ARHGAP4: variants seen among roughly 807,000 people sequenced by gnomAD.
The protein encoded by ARHGAP4 is rho GTPase-activating protein 4.
In ARHGAP4, 25 loss-of-function variants were observed where a neutral mutation model predicts 67.6. That is an observed-to-expected ratio of 0.37 (90% CI 0.27 to 0.52). The LOEUF is 0.52. ARHGAP4 is among the 20% of genes least tolerant of loss of function. The pLI, the probability that ARHGAP4 is intolerant of heterozygous loss-of-function variation, is 0.92. For missense variants in ARHGAP4, 804 were observed against 854.6 expected (o/e 0.94, Z 0.74); for synonymous variants, 448 against 373.7 (o/e 1.20, Z -2.29).
intron 1 of ARHGAP4, chrX:153,922,355 A>G: frequency 1.3e-6 from 1 of 757,874 alleles, no homozygotes; most frequent in Non-Finnish European, 1.6e-6. Flanking sequence ...AGGACAGTCC[A>G]CAGTGAGGGC....
Position 153,922,480 on chromosome X carries a change from T to C in ARHGAP4, c.68-671A>G, listed in dbSNP as rs1393469429. On this transcript the variant is annotated intron_variant, in intron 1 of 21. Transcript: ENST00000350060. Reference sequence around the variant, plus strand: ...AATCACCCCCCGCCCCACCTGTGCATTCCCCCACCCTGCAGAGAGAGTCAC... The same window carrying C: ...AATCACCCCCCGCCCCACCTGTGCACTCCCCCACCCTGCAGAGAGAGTCAC... The C allele has an allele frequency of 1.3e-5, 9 of 677,382 alleles. No homozygotes were observed. In the Admixed American group the frequency reaches 4.5e-4, roughly 34 times the overall value. 55.8% of individuals were successfully genotyped at this position (677,382 alleles called of 1,213,427 possible).
At chrX:153,923,427 G>A (rs1244768265) in intron 1 of ARHGAP4, among the ~76,000 whole-genome samples, 1 of 111,673 alleles carries the variant, frequency 9.0e-6, no homozygotes, top group Non-Finnish European at 1.9e-5. Flanking sequence ...CAGCCCCCTT[G>A]ACTCCAGGTG....
Position 153,909,109 on chromosome X carries a change from C to T in ARHGAP4, c.2568G>A (p.Leu856=), listed in dbSNP as rs1241101345. 1.7e-6 allele frequency: 2 copies of T among 1,210,316 alleles called. No individual in the cohort carries two copies. The highest frequency in any genetic ancestry group is 1.8e-5 in the South Asian group (1 of 56,860). Residue 856 remains leucine, a synonymous_variant, in exon 21 of 22, where the codon TTG becomes TTA. Transcript: ENST00000350060. ...MGPSGHRRRC[L]VPASPEQHVE... The stretch of plus-strand genomic sequence containing the variant: ...CGTGTTGCTCTGGGGAGGCTGGGAC[C>T]AAGCAGCGTCGTCTGTGTCCAGAGG...
At chrX:153,922,317 G>A (rs2065101250) in intron 1 of ARHGAP4, 27 of 761,100 alleles carry the variant, frequency 3.5e-5, no homozygotes, top group Non-Finnish European at 4.2e-5. Flanking sequence ...CAGTGGCTGG[G>A]GAAGCCTGCC....
chrX:153,911,117 G>A lies in ARHGAP4; in HGVS notation c.1603+12C>T, dbSNP rs2148519611. 2.6e-6 allele frequency: 3 copies of A among 1,166,992 alleles called. No homozygotes were observed. Among genetic ancestry groups the A allele is most frequent in the Non-Finnish European group, 3.4e-6 (3 of 873,143 alleles). ...GGTGCCAGGACATCGGGAGGGGCTG[G>A]GTCCTGCTTACCATTGAGGTTGATG... On this transcript the variant is annotated intron_variant, in intron 13 of 21. Coordinates refer to ENST00000350060, the MANE Select transcript of ARHGAP4 (RefSeq NM_001666.5).
At chrX:153,922,078 G>A in intron 1 of ARHGAP4, 1 of 985,502 alleles carries the variant, frequency 1.0e-6, no homozygotes, top group African/African-American at 2.0e-5. Flanking sequence ...GAAGGGGAAG[G>A]GTGTCCCAGA....
At position 153,909,555 on chromosome X, in the gene ARHGAP4, C is replaced by T; in HGVS notation, c.2415-20G>A. ...TCCGTCCTGCGGTGGGAAGGACCGG[C>T]CTGTTTCGAGTGCTCCTTCCCTGCA... On this transcript the variant is annotated intron_variant, in intron 19 of 21. Coordinates refer to ENST00000350060, the MANE Select transcript of ARHGAP4 (RefSeq NM_001666.5). 1.7e-6 allele frequency: 2 copies of T among 1,181,236 alleles called. No homozygotes were observed. The highest frequency in any genetic ancestry group is 2.3e-6 in the Non-Finnish European group (2 of 881,139).
chrX:153,918,417 G>A (rs782725264), intron 7 of ARHGAP4, among the ~76,000 whole-genome samples: 17 of 112,247 alleles, frequency 1.5e-4, no homozygotes, highest in Non-Finnish European at 2.8e-4. Context: ...GTTCCAAGTC[G>A]GCCCGAAAGG....
At chrX:153,922,452 C>A (rs2065102126) in intron 1 of ARHGAP4, 1 of 744,698 alleles carries the variant, frequency 1.3e-6, no homozygotes, top group Non-Finnish European at 1.6e-6. Flanking sequence ...ACTTCCCACT[C>A]CCAATCACCC....
chrX:153,920,494 T>C, intron 5 of ARHGAP4, 132 bp downstream of exon 5: 1 of 754,520 alleles, frequency 1.3e-6, no homozygotes, highest in Non-Finnish European at 1.9e-6. Flanking sequence ...ATGGAATCCC[T>C]GGAACCTGAT....
rs1286066118 is a variant in ARHGAP4 at position 153,910,718 on chromosome X, C to T, written c.1798G>A (p.Glu600Lys). 5 of 1,192,957 alleles carry T rather than the reference C, an allele frequency of 4.2e-6. No homozygotes were observed. Among genetic ancestry groups the T allele is most frequent in the African/African-American group, 3.5e-5 (2 of 57,004 alleles). ...PPLFPPDLFG[E>K]LLASSELEAT... ...GCCTCACCCGAAGAAGCCAGCAGCT[C>T]GCCGAACAGGTCTGGGGGGAAGAGT... The change falls in exon 15 of 22, where the codon GAG (glutamate) becomes AAG (lysine). Residue 600 changes from glutamate to lysine, a missense_variant. Transcript: ENST00000350060.
At position 153,907,938 on chromosome X, in the gene ARHGAP4, C is replaced by A; in HGVS notation, c.2632G>T (p.Val878Leu). The A allele has an allele frequency of 9.1e-7, 1 of 1,101,119 alleles. No individual in the cohort carries two copies. Among genetic ancestry groups the A allele is most frequent in the Non-Finnish European group, 1.2e-6 (1 of 840,532 alleles). 90.7% of individuals were successfully genotyped at this position (1,101,119 alleles called of 1,213,427 possible). ...DKAVAQNMDS[V>L]FKELLGKTSV... Reference sequence around the variant, plus strand: ...GTCTTTCCCAAGAGCTCCTTAAACACAGAGTCCATGTTCTGTGCCACAGCC... The same window carrying A: ...GTCTTTCCCAAGAGCTCCTTAAACAAAGAGTCCATGTTCTGTGCCACAGCC... The change falls in exon 22 of 22, where the codon GTG becomes TTG. Residue 878 changes from valine (V) to leucine (L), a missense_variant. Coordinates refer to ENST00000350060, the MANE Select transcript of ARHGAP4 (RefSeq NM_001666.5).
intron 5 of ARHGAP4, chrX:153,919,790 T>A (rs868978580): frequency 2.1e-5 from 17 of 796,283 alleles, no homozygotes; most frequent in Non-Finnish European, 2.8e-5. Context: ...TATTTTTTTT[T>A]TATTTTTTTT....
chrX:153,924,650 G>C (rs1237470345), intron 1 of ARHGAP4, among the ~76,000 whole-genome samples: 1 of 111,595 alleles, frequency 9.0e-6, no homozygotes, highest in Non-Finnish European at 1.9e-5. Flanking sequence ...TAAAAAGCCA[G>C]GGCTGGAGGG....
chrX:153,914,566 A>G (rs1275765663), intron 7 of ARHGAP4, among the ~76,000 whole-genome samples: 1 of 111,965 alleles, frequency 8.9e-6, no homozygotes, highest in Non-Finnish European at 1.9e-5. Context: ...GCACGGTGGC[A>G]TGCGCCTGTA....
intron 1 of ARHGAP4, chrX:153,922,417 G>A (rs2065101891): frequency 1.2e-5 from 9 of 752,045 alleles, no homozygotes; most frequent in Non-Finnish European, 1.4e-5. Flanking sequence ...ATGGGGCAGG[G>A]AGCTAGCCCC....
Position 153,913,285 on chromosome X carries a change from C to T in ARHGAP4, c.1344G>A (p.Leu448=). 1 of 1,179,932 alleles carries T rather than the reference C, an allele frequency of 8.5e-7. No individual in the cohort carries two copies. Among genetic ancestry groups the T allele is most frequent in the Non-Finnish European group, 1.1e-6 (1 of 879,742 alleles). ...TFYLTKLQEY[L]SGRSILAKLQ... is the part of the protein sequence containing the mutation. ...GCTTGGCGAGGATGCTCCGTCCACT[C>T]AGATACTCCTGGAGCTTCTGGGCAG... The change falls in exon 10 of 22, where the codon CTG becomes CTA. Residue 448 remains leucine (L), a synonymous_variant. Transcript: ENST00000350060.
intron 11 of ARHGAP4, 89 bp downstream of exon 11, chrX:153,912,934 AG>A: frequency 8.9e-7 from 1 of 1,126,908 alleles, no homozygotes; most frequent in Non-Finnish European, 1.2e-6. Context: ...TGGGGAAGTG[AG>A]GCCCAGGGGA....
In ARHGAP4 at chrX:153,918,865, C is replaced by T. The variant is rs1159979511; in HGVS notation, c.999G>A (p.Leu333=). The T allele has an allele frequency of 3.3e-6, 4 of 1,211,007 alleles. No individual in the cohort carries two copies. Among genetic ancestry groups the T allele is most frequent in the Non-Finnish European group, 4.5e-6 (4 of 895,373 alleles). The change falls in exon 7 of 22, where the codon CTG becomes CTA. Residue 333 remains leucine, a synonymous_variant. Coordinates refer to ENST00000350060, the MANE Select transcript of ARHGAP4 (RefSeq NM_001666.5). ...EVHATVFCPP[L]RFDYHPHDGD... ...CATCATGGGGGTGGTAGTCAAAGCG[C>T]AGCGGGGGACAGAAGACGGTAGCAT...
Sources: allele counts gnomAD v4.1 joint callset (sites outside exome capture counted in the v4.1 genomes callset), GRCh38; gene constraint gnomAD v4.1.1; transcripts MANE v1.5; gene names NCBI Gene and HGNC (gene_info 2026-07-23, HGNC 2026-07-21).